The following FBXW8 variants were observed in gnomAD, a reference collection of about 807,000 sequenced individuals.
FBXW8 encodes the protein F-box/WD repeat-containing protein 8.
FBXW8 carries 57 observed loss-of-function variants against 65.3 expected under a neutral mutation model. That is an observed-to-expected ratio of 0.87 (90% CI 0.71 to 1.09). The LOEUF is 1.09. Among genes scored for constraint, FBXW8 ranks in the 50% least tolerant of loss-of-function variants. The pLI is 0.00. For synonymous variants in FBXW8, 308 were observed against 330.2 expected (o/e 0.93, Z 0.73); for missense variants, 777 against 814.8 (o/e 0.95, Z 0.57).
chr12:117,005,385 A>G (rs1020122928), intron 7 of FBXW8, among the ~76,000 whole-genome samples: 16 of 152,212 alleles, frequency 1.1e-4, no homozygotes, highest in African/African-American at 1.7e-4. Flanking sequence ...TAATTGCCAC[A>G]TGAATGAATG....
chr12:116,934,161 T>G (rs904013520), intron 2 of FBXW8, among the ~76,000 whole-genome samples: 3 of 152,198 alleles, frequency 2.0e-5, no homozygotes, highest in African/African-American at 7.2e-5. Context: ...TGACTTTGCC[T>G]CCTTTCCATA....
At chr12:117,018,850 C>A (rs1016970074) in intron 8 of FBXW8, among the ~76,000 whole-genome samples, 1 of 152,178 alleles carries the variant, frequency 6.6e-6, no homozygotes, top group Non-Finnish European at 1.5e-5. Context: ...GCCTTTGTCT[C>A]CTTAACAGCC....
chr12:116,913,838 C>T (rs937726885), intron 1 of FBXW8, among the ~76,000 whole-genome samples: 2 of 152,186 alleles, frequency 1.3e-5, no homozygotes, highest in Non-Finnish European at 2.9e-5. Flanking sequence ...GAATCTATTT[C>T]ATGTTGTTGG....
intron 2 of FBXW8, among the ~76,000 whole-genome samples, chr12:116,944,535 G>A (rs561283422): frequency 5.9e-5 from 9 of 152,204 alleles, no homozygotes; most frequent in Non-Finnish European, 1.2e-4. Flanking sequence ...TGGATGGCAA[G>A]CATCAGGCAC....
In FBXW8 at chr12:117,006,659, C is replaced by T. The variant is rs558711396; in HGVS notation, c.1240-3664C>T. Among the ~76,000 whole-genome samples, 443 of 152,346 alleles carry T rather than the reference C, an allele frequency of 2.9e-3. 1 individual carries two copies. Among genetic ancestry groups the T allele is most frequent in the Non-Finnish European group, 3.9e-3 (263 of 68,038 alleles). On this transcript the variant is annotated intron_variant, in intron 7 of 10. Transcript: ENST00000652555. ...GGTGGGTCTCCTCAGAGAGGCAGGC[C>T]CCGTCTATGGAGGAGCAGGACAGCT...
At chr12:116,975,091 G>T (rs1884843472) in intron 5 of FBXW8, among the ~76,000 whole-genome samples, 1 of 152,158 alleles carries the variant, frequency 6.6e-6, no homozygotes, top group Admixed American at 6.5e-5. Flanking sequence ...AAGGAGAAGA[G>T]ATAGCTCTTC....
At chr12:116,975,811 A>G (rs189017091) in intron 5 of FBXW8, among the ~76,000 whole-genome samples, 4 of 152,342 alleles carry the variant, frequency 2.6e-5, no homozygotes, top group Non-Finnish European at 5.9e-5. Flanking sequence ...TGTCAGGGTC[A>G]TGAAGGACAA....
rs1954288990 is a variant in FBXW8, at chr12:117,028,354, G to A, written c.*182G>A. On this transcript the variant is annotated 3_prime_UTR_variant, in exon 11 of 11. Coordinates refer to ENST00000652555, the MANE Select transcript of FBXW8 (RefSeq NM_153348.3). This position sits in a 1 kb window ranked among gnomAD's most constrained non-coding sequence, Gnocchi z 4.1. The stretch of plus-strand genomic sequence containing the variant: ...TTCCCCCAGCGCCTGGGGCAAGCTG[G>A]CGTGTGCCAGGGCTCGAGTCCCACG... 8.2e-6 allele frequency: 6 copies of A among 734,606 alleles called. No individual in the cohort carries two copies. The Admixed American group carries it at 1.7e-4, about 21-fold the overall frequency. 45.5% of individuals were successfully genotyped at this position (734,606 alleles called of 1,614,324 possible). A position where few individuals can be genotyped will look rare whatever the true frequency, so the allele number is the denominator to read the frequency against.
chr12:116,926,595 T>A (rs1162446881), intron 1 of FBXW8, among the ~76,000 whole-genome samples: 1 of 152,152 alleles, frequency 6.6e-6, no homozygotes, highest in Non-Finnish European at 1.5e-5. Flanking sequence ...CTTTCCATTA[T>A]TTTTTTAGGC....
chr12:116,997,173 T>A (rs1037431208), intron 7 of FBXW8, among the ~76,000 whole-genome samples: 16 of 151,902 alleles, frequency 1.1e-4, no homozygotes, highest in African/African-American at 3.4e-4. Context: ...AGCCCTAGAG[T>A]TTCTCAAGAC....
At chr12:116,943,517 C>T (rs991901565) in intron 2 of FBXW8, among the ~76,000 whole-genome samples, 10 of 152,206 alleles carry the variant, frequency 6.6e-5, no homozygotes, top group African/African-American at 2.2e-4. Flanking sequence ...CTTAAATCCA[C>T]TGAACCAGTA....
At chr12:116,983,868 C>T (rs1309025045) in intron 5 of FBXW8, among the ~76,000 whole-genome samples, 2 of 152,236 alleles carry the variant, frequency 1.3e-5, no homozygotes, top group East Asian at 1.9e-4. Flanking sequence ...ATCTGCCTCA[C>T]AGTCCTATGT....
chr12:117,000,444 A>G (rs1953487859), intron 7 of FBXW8, among the ~76,000 whole-genome samples: 1 of 152,256 alleles, frequency 6.6e-6, no homozygotes, highest in Admixed American at 6.5e-5. Context: ...AGGGGTTCTC[A>G]CATGCCAGCA....
chr12:116,949,929 T>C (rs1883172444), intron 4 of FBXW8: 1 of 515,074 alleles, frequency 1.9e-6, no homozygotes, highest in South Asian at 2.7e-5. Context: ...CTGTGATCCA[T>C]TTGTCTCAAT....
intron 3 of FBXW8, among the ~76,000 whole-genome samples, chr12:116,946,313 C>T (rs1882929969): frequency 6.6e-6 from 1 of 152,166 alleles, no homozygotes; most frequent in African/African-American, 2.4e-5. Context: ...CACCTCCTAA[C>T]CTGATTAGTG....
intron 2 of FBXW8, among the ~76,000 whole-genome samples, chr12:116,941,671 C>G (rs1443892058): frequency 6.6e-6 from 1 of 152,164 alleles, no homozygotes; most frequent in Non-Finnish European, 1.5e-5. Flanking sequence ...AAACTGAGTT[C>G]TTAGATTCCC....
At chr12:117,022,238 A>G (rs1954115912) in intron 8 of FBXW8, among the ~76,000 whole-genome samples, 1 of 152,030 alleles carries the variant, frequency 6.6e-6, no homozygotes, top group Admixed American at 6.6e-5. Flanking sequence ...ATTCGTTTTG[A>G]TAATTCTTAT....
chr12:116,960,250 G>C (rs16947144), intron 4 of FBXW8, among the ~76,000 whole-genome samples: 3,576 of 152,286 alleles, frequency 0.023, 85 homozygotes, highest in South Asian at 0.057. Context: ...TACCAAAGAT[G>C]TCTGTTTCCT....
chr12:116,949,489 G>T (rs1003952285), intron 3 of FBXW8, 129 bp from the exon 4 acceptor site: 7 of 762,180 alleles, frequency 9.2e-6, no homozygotes, highest in Non-Finnish European at 1.6e-5. Flanking sequence ...GAATGCCCAT[G>T]GAACTTTGAA....
Sources: gnomAD v4.1 joint callset for allele counts (sites outside exome capture counted in the v4.1 genomes callset) on GRCh38, gnomAD v4.1.1 for gene constraint, Gnocchi (gnomAD v3.1) non-coding constraint, MANE v1.5 for transcripts, NCBI Gene and HGNC (gene_info 2026-07-23, HGNC 2026-07-21) for gene names.